PCED1B: variants seen among roughly 807,000 people sequenced by gnomAD.
The protein encoded by PCED1B is PC-esterase domain containing 1B.
For synonymous variants in PCED1B, 251 were observed against 246.1 expected, an observed-to-expected ratio of 1.02 and a Z score of -0.19; for missense variants, 573 against 573.9, an observed-to-expected ratio of 1.00 and a Z score of 0.02.
intron 2 of PCED1B, among the ~76,000 whole-genome samples, chr12:47,171,139 C>A (rs183009332): frequency 6.7e-6 from 1 of 148,152 alleles, no homozygotes; most frequent in East Asian, 2.0e-4. Context: ...ACCATCTCGA[C>A]TCACTGCAAC....
At chr12:47,191,708 C>T (rs1942443840) in intron 2 of PCED1B, among the ~76,000 whole-genome samples, 1 of 152,136 alleles carries the variant, frequency 6.6e-6, no homozygotes, top group Admixed American at 6.5e-5. Flanking sequence ...AGCTGGACAC[C>T]TGGGCTGCTC....
intron 1 of PCED1B, among the ~76,000 whole-genome samples, chr12:47,103,391 G>A (rs1461645523): frequency 3.9e-5 from 6 of 152,224 alleles, no homozygotes; most frequent in South Asian, 2.1e-4. Context: ...GGAAAGATGC[G>A]CACTGCAGCA....
At chr12:47,112,475 A>C (rs975727116) in intron 2 of PCED1B, among the ~76,000 whole-genome samples, 2 of 152,212 alleles carry the variant, frequency 1.3e-5, no homozygotes, top group Admixed American at 1.3e-4. Flanking sequence ...ATATTCCATG[A>C]TGTTAGTGGA....
At chr12:47,088,338 C>G (rs756789164) in intron 1 of PCED1B, among the ~76,000 whole-genome samples, 1 of 152,142 alleles carries the variant, frequency 6.6e-6, no homozygotes, top group Non-Finnish European at 1.5e-5. Context: ...CCTGGCTGTA[C>G]CAGAGTCCAG....
At chr12:47,224,916 T>C (rs1223616960) in intron 3 of PCED1B, among the ~76,000 whole-genome samples, 2 of 152,206 alleles carry the variant, frequency 1.3e-5, no homozygotes, top group Non-Finnish European at 2.9e-5. Context: ...AGTGGTTATT[T>C]GGCAATTCTT....
At chr12:47,234,753 G>A (rs1396643746) in intron 3 of PCED1B, among the ~76,000 whole-genome samples, 1 of 152,210 alleles carries the variant, frequency 6.6e-6, no homozygotes, top group Non-Finnish European at 1.5e-5. Flanking sequence ...TCCAACAGCA[G>A]CCTCAGGTCA....
At chr12:47,148,048 T>C (rs1027383901) in intron 2 of PCED1B, among the ~76,000 whole-genome samples, 1 of 152,188 alleles carries the variant, frequency 6.6e-6, no homozygotes, top group Non-Finnish European at 1.5e-5. Context: ...GAGTTTGATG[T>C]TAAGGTGCTG....
At chr12:47,119,881 T>A (rs948082906) in intron 2 of PCED1B, among the ~76,000 whole-genome samples, 1 of 151,648 alleles carries the variant, frequency 6.6e-6, no homozygotes, top group East Asian at 1.9e-4. Context: ...GCATGAGAAT[T>A]GTTTGAACCC....
chr12:47,112,257 C>T (rs2137266726), intron 2 of PCED1B, among the ~76,000 whole-genome samples: 1 of 152,342 alleles, frequency 6.6e-6, no homozygotes, highest in South Asian at 2.1e-4. Context: ...CCAAGGGAAA[C>T]TTCTGCCAAA....
In PCED1B at chr12:47,172,562, CAT is replaced by C. The variant is rs1001758795; in HGVS notation, c.-525-43658_-525-43657del. 5.9e-5 allele frequency among the ~76,000 whole-genome samples: 9 copies of C among 152,190 alleles called. No homozygotes were observed. The East Asian group carries it at 1.5e-3, about 26-fold the overall frequency. ...CTGAATGTGGTAGAAAGCAAGATGA[CAT>C]AGTGAAATAGCATGAATTTTGTGGC... On this transcript the variant is annotated intron_variant, in intron 2 of 3. Transcript: ENST00000546455.
At position 47,235,670 on chromosome 12, in the gene PCED1B, G is replaced by C; in HGVS notation, c.607G>C (p.Glu203Gln). Residue 203 changes from glutamate (E) to glutamine (Q), a missense_variant, in exon 4 of 4, where the codon GAG (glutamate) becomes CAG (glutamine). Glu to Gln is a conservative substitution (Grantham distance 29). Transcript: ENST00000546455. ...VVKANFHSAT[E>Q]ARKHNFDVLD... ...CAAAGCCAACTTCCACAGCGCCACC[G>C]AGGCACGTAAACATAACTTCGATGT... 1 of 1,612,988 alleles carries C rather than the reference G, an allele frequency of 6.2e-7. No homozygotes were observed. The highest frequency in any genetic ancestry group is 8.5e-7 in the Non-Finnish European group (1 of 1,179,936).
At chr12:47,117,819 G>A (rs1939495323) in intron 2 of PCED1B, among the ~76,000 whole-genome samples, 2 of 152,190 alleles carry the variant, frequency 1.3e-5, no homozygotes, top group Non-Finnish European at 2.9e-5. Context: ...CACCAACAGT[G>A]TAAAAGTGTT....
intron 2 of PCED1B, among the ~76,000 whole-genome samples, chr12:47,184,741 G>A (rs1180972686): frequency 6.6e-6 from 1 of 150,992 alleles, no homozygotes; most frequent in Non-Finnish European, 1.5e-5. Context: ...TTTAAAAGTG[G>A]GAATAACATA....
At chr12:47,176,157 G>A (rs75892456) in intron 2 of PCED1B, among the ~76,000 whole-genome samples, 61 of 152,256 alleles carry the variant, frequency 4.0e-4, no homozygotes, top group African/African-American at 1.4e-3. Flanking sequence ...AGAGAAGTAC[G>A]ATATTGTGAT....
intron 2 of PCED1B, among the ~76,000 whole-genome samples, chr12:47,119,912 A>G (rs7955924): frequency 0.38 from 57,182 of 151,222 alleles, 11,449 homozygotes; most frequent in African/African-American, 0.5. Context: ...GGTTACATGA[A>G]CCAAGATCAC....
chr12:47,176,863 A>G (rs574030843), intron 2 of PCED1B, among the ~76,000 whole-genome samples: 1 of 152,312 alleles, frequency 6.6e-6, no homozygotes, highest in East Asian at 1.9e-4. Flanking sequence ...GGGAGAAAAA[A>G]AAAAACCCAC....
At chr12:47,100,391 T>G (rs144376474) in intron 1 of PCED1B, among the ~76,000 whole-genome samples, 3 of 152,344 alleles carry the variant, frequency 2.0e-5, no homozygotes, top group African/African-American at 7.2e-5. Context: ...CATCCATCCA[T>G]CCATCAATGA....
intron 2 of PCED1B, among the ~76,000 whole-genome samples, chr12:47,189,533 C>T (rs756497603): frequency 3.3e-5 from 5 of 152,164 alleles, no homozygotes; most frequent in Non-Finnish European, 7.3e-5. Flanking sequence ...ACATTTATTT[C>T]CTCACTTTTC....
intron 2 of PCED1B, among the ~76,000 whole-genome samples, chr12:47,175,821 C>A (rs1346294737): frequency 6.6e-6 from 1 of 152,000 alleles, no homozygotes; most frequent in African/African-American, 2.4e-5. Context: ...ATCTGCCTGC[C>A]TCAGCCTCCC....
Sources: gnomAD v4.1 joint callset for allele counts (sites outside exome capture counted in the v4.1 genomes callset) on GRCh38, gnomAD v4.1.1 for gene constraint, MANE v1.5 for transcripts, NCBI Gene and HGNC (gene_info 2026-07-23, HGNC 2026-07-21) for gene names.